Variants in GALNT2 observed in about 807,000 individuals in gnomAD.
GALNT2 encodes the protein UDP-GalNAc:polypeptide N-acetylgalactosaminyltransferase 2.
Under a neutral mutation model 81.4 loss-of-function variants are expected in GALNT2, and 31 were observed. The observed-to-expected ratio is 0.38, with a 90% CI of 0.29 to 0.51. GALNT2 has a LOEUF of 0.51. Among genes scored for constraint, GALNT2 ranks in the 20% least tolerant of loss-of-function variants. The probability of loss-of-function intolerance (pLI) is 0.87; values close to 1 mark genes in which losing one functional copy is unlikely to be tolerated. For synonymous variants in GALNT2, 303 were observed against 287.4 expected (o/e 1.05, Z -0.55); for missense variants, 629 against 765.7 (o/e 0.82, Z 2.11).
chr1:230,233,590 G>A (rs982979891), intron 3 of GALNT2, among the ~76,000 whole-genome samples: 2 of 152,088 alleles, frequency 1.3e-5, no homozygotes, highest in East Asian at 1.9e-4. Flanking sequence ...TCCAGCCTGG[G>A]TGACAAGAGC....
intron 1 of GALNT2, among the ~76,000 whole-genome samples, chr1:230,156,037 G>T (rs1384909614): frequency 6.6e-6 from 1 of 152,128 alleles, no homozygotes; most frequent in Non-Finnish European, 1.5e-5. Context: ...CTCAGTCTGT[G>T]GGTGGGTGAT....
Position 230,196,360 on chromosome 1 carries a change from C to T in GALNT2, c.221-6777C>T, listed in dbSNP as rs143317485. Among the ~76,000 whole-genome samples, 1,247 of 152,290 alleles carry T rather than the reference C, an allele frequency of 8.2e-3. 1 individual carries two copies. The highest frequency in any genetic ancestry group is 0.014 in the Non-Finnish European group (947 of 68,028). ...CCATCTCCTCCTCACTTTTGGATGG[C>T]GGGTCTTTCCAGTGAGGTGTTTGTT... On this transcript the variant is annotated intron_variant, in intron 2 of 15. Transcript: ENST00000366672.
chr1:230,111,213 C>T (rs912220715), intron 1 of GALNT2, among the ~76,000 whole-genome samples: 45 of 152,190 alleles, frequency 3.0e-4, no homozygotes, highest in Non-Finnish European at 4.9e-4. Flanking sequence ...TGTACATGTG[C>T]GTACCATGCA....
intron 1 of GALNT2, among the ~76,000 whole-genome samples, chr1:230,150,194 A>G (rs891282767): frequency 2.6e-5 from 4 of 152,186 alleles, no homozygotes; most frequent in African/African-American, 9.7e-5. Flanking sequence ...CAGGAGAGCC[A>G]TCGCCTGCTT....
rs137901997 is a variant in GALNT2, at chr1:230,089,790, C to T, written c.126+22384C>T. 2.2e-4 allele frequency among the ~76,000 whole-genome samples: 34 copies of T among 152,320 alleles called. No individual in the cohort carries two copies. The East Asian group carries it at 5.0e-3, about 22-fold the overall frequency. The stretch of plus-strand genomic sequence containing the variant: ...AATAGTTCATTCTATGGACATACAA[C>T]GTTGTGTTTATACATTACGCTGCTA... On this transcript the variant is annotated intron_variant, in intron 1 of 15. Coordinates refer to ENST00000366672, the MANE Select transcript of GALNT2 (RefSeq NM_004481.5).
intron 3 of GALNT2, among the ~76,000 whole-genome samples, chr1:230,206,538 C>G (rs1179037696): frequency 1.3e-5 from 2 of 152,222 alleles, no homozygotes; most frequent in Non-Finnish European, 2.9e-5. Context: ...AATTACCATT[C>G]TTGTTGAATG....
intron 6 of GALNT2, among the ~76,000 whole-genome samples, chr1:230,242,873 T>C (rs977118897): frequency 2.6e-5 from 4 of 152,184 alleles, no homozygotes; most frequent in Non-Finnish European, 5.9e-5. Context: ...AAGACAGAGA[T>C]AGTCACAACA....
intron 3 of GALNT2, among the ~76,000 whole-genome samples, chr1:230,230,055 G>A (rs1156457319): frequency 6.6e-6 from 1 of 152,110 alleles, no homozygotes; most frequent in Non-Finnish European, 1.5e-5. Flanking sequence ...AAGCAGAGTG[G>A]TACATGGATG....
chr1:230,262,940 G>A lies in GALNT2; in HGVS notation c.1248G>A (p.Glu416=), dbSNP rs1665922783. 1 of 1,614,084 alleles carries A rather than the reference G, an allele frequency of 6.2e-7. No homozygotes were observed. Among genetic ancestry groups the A allele is most frequent in the Non-Finnish European group, 8.5e-7 (1 of 1,179,912 alleles). ...VPYGNIQSRL[E]LRKKLSCKPF... is the part of the protein sequence containing the mutation. ...TCTCCAGTATTCAGAGCAGATTGGA[G>A]CTTAGGAAGAAACTCAGCTGCAAGC... Residue 416 remains glutamate (E), a synonymous_variant, in exon 13 of 16, where the codon GAG becomes GAA. Transcript: ENST00000366672.
intron 1 of GALNT2, among the ~76,000 whole-genome samples, chr1:230,138,978 C>G (rs1661643009): frequency 6.6e-6 from 1 of 152,110 alleles, no homozygotes; most frequent in Non-Finnish European, 1.5e-5. Context: ...AACGCCTAAC[C>G]TCCTGGGAAT....
intron 1 of GALNT2, among the ~76,000 whole-genome samples, chr1:230,102,624 A>G (rs1224240266): frequency 6.6e-6 from 1 of 152,130 alleles, no homozygotes; most frequent in Non-Finnish European, 1.5e-5. Context: ...GATTTGACAT[A>G]AAGCTGCCCA....
In GALNT2 at chr1:230,161,480, T is replaced by TA. The variant is rs1662436351; in HGVS notation, c.127-16737dup. On this transcript the variant is annotated intron_variant, in intron 1 of 15. Coordinates refer to ENST00000366672, the MANE Select transcript of GALNT2 (RefSeq NM_004481.5). ...TGTCTGTGCAGACGTGGCAAAGAAA[T>TA]ATGGCCACTTCCAATCCACTGCAGT... 2.0e-5 allele frequency among the ~76,000 whole-genome samples: 3 copies of TA among 152,214 alleles called. No homozygotes were observed. In the South Asian group the frequency reaches 6.2e-4, roughly 31 times the overall value.
chr1:230,152,837 G>T (rs536925191), intron 1 of GALNT2, among the ~76,000 whole-genome samples: 3 of 152,194 alleles, frequency 2.0e-5, no homozygotes, highest in Non-Finnish European at 4.4e-5. Context: ...TGGCTCTAAC[G>T]TGATGTTCAT....
intron 1 of GALNT2, among the ~76,000 whole-genome samples, chr1:230,113,434 G>A (rs1295429480): frequency 6.6e-6 from 1 of 152,140 alleles, no homozygotes; most frequent in African/African-American, 2.4e-5. Flanking sequence ...GCTGTCAGCT[G>A]GGAGCTGTTA....
intron 1 of GALNT2, among the ~76,000 whole-genome samples, chr1:230,169,591 G>A (rs1662727846): frequency 1.3e-5 from 2 of 152,328 alleles, no homozygotes; most frequent in South Asian, 4.1e-4. Context: ...CAATGTGCAG[G>A]ATGATTCACC....
intron 1 of GALNT2, among the ~76,000 whole-genome samples, chr1:230,136,491 G>A (rs761462869): frequency 9.2e-5 from 14 of 152,080 alleles, no homozygotes; most frequent in Admixed American, 2.6e-4. Flanking sequence ...TTTCTCTCCC[G>A]GATGTGAGTT....
chr1:230,244,687 G>A (rs1025877561), intron 7 of GALNT2, among the ~76,000 whole-genome samples: 1 of 152,176 alleles, frequency 6.6e-6, no homozygotes, highest in Non-Finnish European at 1.5e-5. Context: ...ACTAAATTGA[G>A]CCTTATGAAA....
chr1:230,079,204 A>G (rs1185068489), intron 1 of GALNT2, among the ~76,000 whole-genome samples: 1 of 152,226 alleles, frequency 6.6e-6, no homozygotes, highest in East Asian at 1.9e-4. Flanking sequence ...TTTACGTGGT[A>G]TTTGTCAATA....
intron 14 of GALNT2, among the ~76,000 whole-genome samples, chr1:230,273,157 A>G (rs925658051): frequency 2.6e-5 from 4 of 152,226 alleles, no homozygotes; most frequent in Admixed American, 1.3e-4. Flanking sequence ...GGCTTCTTTA[A>G]ACACTATTTG....
Sources: allele counts gnomAD v4.1 joint callset (sites outside exome capture counted in the v4.1 genomes callset), GRCh38; gene constraint gnomAD v4.1.1; transcripts MANE v1.5; gene names NCBI Gene and HGNC (gene_info 2026-07-23, HGNC 2026-07-21).